Variants in ATXN1 observed in about 807,000 individuals in gnomAD.
The protein encoded by ATXN1 is ataxin-1.
A neutral mutation model predicts 56.4 loss-of-function variants in ATXN1; 8 were observed. That is an observed-to-expected ratio of 0.14 (90% CI 0.08 to 0.26). The LOEUF is 0.26. ATXN1 is among the 10% of genes least tolerant of loss of function. ATXN1 has a pLI of 1.00. For synonymous variants in ATXN1, 514 were observed against 494.6 expected, an observed-to-expected ratio of 1.04 and a Z score of -0.52; for missense variants, 987 against 1,106.5, an observed-to-expected ratio of 0.89 and a Z score of 1.53.
intron 6 of ATXN1, among the ~76,000 whole-genome samples, chr6:16,456,515 A>G (rs986834524): frequency 4.6e-5 from 7 of 152,170 alleles, no homozygotes; most frequent in African/African-American, 1.4e-4. Flanking sequence ...CTTCCGGGCT[A>G]AGCCTAGGGT....
intron 7 of ATXN1, among the ~76,000 whole-genome samples, chr6:16,323,211 TC>T (rs1760717554): frequency 6.6e-6 from 1 of 152,052 alleles, no homozygotes; most frequent in African/African-American, 2.4e-5. Context: ...TAGATCTTCC[TC>T]CCCAAGAACA....
intron 6 of ATXN1, among the ~76,000 whole-genome samples, chr6:16,342,354 C>A (rs569572409): frequency 0.017 from 2,486 of 149,096 alleles, 50 homozygotes; most frequent in Non-Finnish European, 0.021. Context: ...AAAAAAAAAA[C>A]AAAACAAAAA....
intron 4 of ATXN1, among the ~76,000 whole-genome samples, chr6:16,573,239 A>G (rs1762364091): frequency 6.6e-6 from 1 of 151,878 alleles, no homozygotes; most frequent in African/African-American, 2.4e-5. Context: ...TCCTCGATGT[A>G]GGCATGCAAA....
chr6:16,313,660 G>A (rs901143262), intron 7 of ATXN1, among the ~76,000 whole-genome samples: 5 of 151,550 alleles, frequency 3.3e-5, no homozygotes, highest in African/African-American at 7.3e-5. Flanking sequence ...GGATTCGAGC[G>A]ATTCTCCTGC....
intron 2 of ATXN1, among the ~76,000 whole-genome samples, chr6:16,703,721 T>TA (rs1161457074): frequency 2.0e-5 from 3 of 152,206 alleles, no homozygotes; most frequent in Admixed American, 6.5e-5. Context: ...AATGCATATT[T>TA]AAAAATGGTT....
intron 2 of ATXN1, among the ~76,000 whole-genome samples, chr6:16,724,319 A>G (rs1478663502): frequency 6.6e-6 from 1 of 151,124 alleles, no homozygotes; most frequent in Admixed American, 6.6e-5. Flanking sequence ...TGTCTTTTTG[A>G]TGAGCAGGAA....
At chr6:16,348,038 G>A (rs1042257486) in intron 6 of ATXN1, among the ~76,000 whole-genome samples, 10 of 152,272 alleles carry the variant, frequency 6.6e-5, no homozygotes, top group East Asian at 5.8e-4. Flanking sequence ...CAGACATGCC[G>A]CTTTAAGAAC....
intron 3 of ATXN1, among the ~76,000 whole-genome samples, chr6:16,605,242 T>C (rs918152887): frequency 2.6e-5 from 4 of 152,224 alleles, no homozygotes; most frequent in African/African-American, 9.6e-5. Flanking sequence ...CTCCTTTATA[T>C]GTTCAGGCTC....
intron 4 of ATXN1, among the ~76,000 whole-genome samples, chr6:16,544,819 T>G (rs1761783030): frequency 6.6e-6 from 1 of 150,654 alleles, no homozygotes; most frequent in African/African-American, 2.4e-5. Context: ...GAGGGAGGAG[T>G]TTTCGAAAGG....
chr6:16,590,665 A>T, intron 3 of ATXN1, among the ~76,000 whole-genome samples: 1 of 151,810 alleles, frequency 6.6e-6, no homozygotes, highest in Non-Finnish European at 1.5e-5. Context: ...CTAAATTCAT[A>T]ACATTCTTTT....
Position 16,327,739 on chromosome 6 carries a change from G to T in ATXN1, c.572C>A (p.Pro191Gln), listed in dbSNP as rs780889674. 1 of 1,599,112 alleles carries T rather than the reference G, an allele frequency of 6.3e-7. No individual in the cohort carries two copies. Among genetic ancestry groups the T allele is most frequent in the Middle Eastern group, 1.7e-4 (1 of 5,902 alleles). The change falls in exon 7 of 8, where the codon CCG becomes CAG. Residue 191 changes from proline to glutamine, a missense_variant. Pro to Gln is a moderately conservative substitution (Grantham distance 76, BLOSUM62 -1). Transcript: ENST00000436367. ...CTGCTGCTGCTCAGCCTTGTGTCCC[G>T]GCGTCTGGCTCAGACTGCCCATGTT... is the stretch of plus-strand genomic sequence containing the variant. Reference protein sequence around the residue: ...LANMGSLSQTPGHKAEQQQQQ... With the variant: ...LANMGSLSQTQGHKAEQQQQQ...
rs1760991783 is a variant in ATXN1 at position 16,506,985 on chromosome 6, T to G, written c.-299+15642A>C. 6.6e-6 allele frequency among the ~76,000 whole-genome samples: 1 copy of G among 152,136 alleles called. No individual in the cohort carries two copies. The highest frequency in any genetic ancestry group is 2.1e-4 in the South Asian group (1 of 4,834). ...ACAGACAAATGGCCGGTGACCAAAA[T>G]ACATATACTCCTCCGTGTTATATAT... On this transcript the variant is annotated intron_variant, in intron 5 of 7. Transcript: ENST00000436367. The surrounding 1 kb of genome is among the most constrained non-coding windows in gnomAD (Gnocchi z 4.1).
chr6:16,653,557 C>G (rs562913482), intron 3 of ATXN1, among the ~76,000 whole-genome samples: 11 of 152,362 alleles, frequency 7.2e-5, no homozygotes, highest in Admixed American at 5.9e-4. Flanking sequence ...ATCCTCAGAT[C>G]TTTCTCCTAG....
intron 4 of ATXN1, among the ~76,000 whole-genome samples, chr6:16,557,326 CAAA>C (rs10551173): frequency 0.072 from 6,355 of 87,830 alleles, 122 homozygotes; most frequent in South Asian, 0.1. Context: ...AACCCCATTT[CAAA>C]AAAAAAAAAA....
intron 6 of ATXN1, among the ~76,000 whole-genome samples, chr6:16,463,820 A>G (rs1760046928): frequency 6.6e-6 from 1 of 152,102 alleles, no homozygotes; most frequent in Non-Finnish European, 1.5e-5. Context: ...GCTATTACTC[A>G]CCTTCGGGCC....
At chr6:16,623,549 C>A (rs1038490129) in intron 3 of ATXN1, among the ~76,000 whole-genome samples, 7 of 152,186 alleles carry the variant, frequency 4.6e-5, no homozygotes, top group Admixed American at 4.6e-4. Flanking sequence ...ATAAGAACAA[C>A]AATAAGTAAT....
chr6:16,409,022 G>C (rs1229350314), intron 6 of ATXN1, among the ~76,000 whole-genome samples: 1 of 152,216 alleles, frequency 6.6e-6, no homozygotes, highest in Non-Finnish European at 1.5e-5. Context: ...CTAAGGTTTA[G>C]TCAATCAAAT....
intron 2 of ATXN1, among the ~76,000 whole-genome samples, chr6:16,714,181 C>CCCCACACACACA (rs1554127825): frequency 2.2e-5 from 3 of 137,628 alleles, no homozygotes; most frequent in African/African-American, 8.1e-5. Flanking sequence ...AAACCACACA[C>CCCCACACACACA]CACACACACA....
chr6:16,426,267 G>A (rs913091767), intron 6 of ATXN1, among the ~76,000 whole-genome samples: 1 of 103,514 alleles, frequency 9.7e-6, no homozygotes, highest in African/African-American at 3.6e-5. Context: ...AGGAGGAGAG[G>A]GCTGGTGGGG....
Sources: allele counts gnomAD v4.1 joint callset (sites outside exome capture counted in the v4.1 genomes callset), GRCh38; gene constraint gnomAD v4.1.1; non-coding constraint Gnocchi (gnomAD v3.1); transcripts MANE v1.5; gene names NCBI Gene and HGNC (gene_info 2026-07-23, HGNC 2026-07-21).